Variants in COL22A1 observed in about 807,000 individuals in gnomAD.
COL22A1 encodes collagen alpha-1(XXII) chain.
In COL22A1, 221 loss-of-function variants were observed where a neutral mutation model predicts 248.9. That is an observed-to-expected ratio of 0.89 (90% CI 0.80 to 0.99). COL22A1 has a LOEUF of 0.99. Among genes scored for constraint, COL22A1 ranks in the 50% least tolerant of loss-of-function variants. The probability of loss-of-function intolerance (pLI) is 0.00; values close to 1 mark genes in which losing one functional copy is unlikely to be tolerated. For synonymous variants in COL22A1, 891 were observed against 793.4 expected (o/e 1.12, Z -2.07); for missense variants, 2,240 against 2,179.0 (o/e 1.03, Z -0.56).
intron 37 of COL22A1, 31 bp downstream of exon 37, chr8:138,688,886 C>G: frequency 6.3e-7 from 1 of 1,594,580 alleles, no homozygotes; most frequent in South Asian, 1.1e-5. Context: ...AGGATATTCA[C>G]TTGTGTGCTG....
intron 31 of COL22A1, 97 bp from the exon 32 acceptor site, chr8:138,700,241 T>C: frequency 8.8e-7 from 1 of 1,141,168 alleles, no homozygotes; most frequent in Non-Finnish European, 1.3e-6. Context: ...AGTGAAAGAA[T>C]ACAGCCCCAA....
chr8:138,776,617 C>A (rs1418543974), intron 15 of COL22A1, among the ~76,000 whole-genome samples: 6 of 151,884 alleles, frequency 4.0e-5, no homozygotes. Context: ...AAAACATGAT[C>A]CCCCTGCTTC....
intron 7 of COL22A1, among the ~76,000 whole-genome samples, chr8:138,818,025 C>G (rs1044941293): frequency 6.6e-6 from 1 of 152,130 alleles, no homozygotes; most frequent in African/African-American, 2.4e-5. Flanking sequence ...ATATAGTCTC[C>G]CACTACCTCA....
chr8:138,908,072 G>A (rs1302288768), intron 1 of COL22A1, among the ~76,000 whole-genome samples: 3 of 152,104 alleles, frequency 2.0e-5, no homozygotes, highest in African/African-American at 7.2e-5. Context: ...GCTCATTCAT[G>A]CCATAAACAA....
At position 138,743,032 on chromosome 8, in the gene COL22A1, G is replaced by A. The variant is rs575564747; in HGVS notation, c.2086-5455C>T. On this transcript the variant is annotated intron_variant, in intron 22 of 64. Coordinates refer to ENST00000303045, the MANE Select transcript of COL22A1 (RefSeq NM_152888.3). ...TAGTAGTGATTGTGATAGTAGAGTT[G>A]ATGAGGGTGATGGTGGTAGTGATTG... Among the ~76,000 whole-genome samples the A allele has an allele frequency of 2.4e-3, 360 of 151,608 alleles. 2 individuals carry two copies. Among genetic ancestry groups the A allele is most frequent in the African/African-American group, 8.2e-3 (340 of 41,296 alleles).
chr8:138,885,220 C>G (rs1345316530), intron 1 of COL22A1, among the ~76,000 whole-genome samples: 1 of 152,184 alleles, frequency 6.6e-6, no homozygotes, highest in East Asian at 1.9e-4. Flanking sequence ...GGCTGCTTCT[C>G]CATCCTGGAA....
chr8:138,760,471 C>T (rs990284617), intron 17 of COL22A1, among the ~76,000 whole-genome samples, 184 bp from the exon 18 acceptor site: 61 of 152,214 alleles, frequency 4.0e-4, no homozygotes, highest in African/African-American at 1.4e-3. Context: ...CTCAACTAAC[C>T]TAAGCTCCCT....
At chr8:138,891,066 T>C (rs143715988) in intron 1 of COL22A1, among the ~76,000 whole-genome samples, 44 of 151,706 alleles carry the variant, frequency 2.9e-4, no homozygotes, top group African/African-American at 1.0e-3. Flanking sequence ...CAATGAACAA[T>C]GCAAAAAGAA....
At chr8:138,629,593 G>A (rs1472596201) in intron 50 of COL22A1, among the ~76,000 whole-genome samples, 1 of 152,194 alleles carries the variant, frequency 6.6e-6, no homozygotes, top group African/African-American at 2.4e-5. Flanking sequence ...ACATCCGTCT[G>A]GCTGCCTGGA....
intron 7 of COL22A1, among the ~76,000 whole-genome samples, chr8:138,818,998 A>G (rs1307576590): frequency 6.6e-6 from 1 of 152,146 alleles, no homozygotes; most frequent in African/African-American, 2.4e-5. Context: ...TGTGAGCTGC[A>G]GTTTGCACGT....
intron 30 of COL22A1, among the ~76,000 whole-genome samples, chr8:138,713,435 T>C (rs777905847): frequency 3.2e-4 from 48 of 152,308 alleles, no homozygotes; most frequent in Non-Finnish European, 6.2e-4. Context: ...ACTCAAGAAA[T>C]TGCAACTTGC....
chr8:138,611,025 C>T (rs534456938), intron 56 of COL22A1, among the ~76,000 whole-genome samples: 1 of 152,262 alleles, frequency 6.6e-6, no homozygotes, highest in East Asian at 1.9e-4. Context: ...GTGATCATGC[C>T]ACTGAAGTCC....
intron 30 of COL22A1, among the ~76,000 whole-genome samples, chr8:138,707,720 T>C (rs1828591457): frequency 6.6e-6 from 1 of 152,216 alleles, no homozygotes; most frequent in African/African-American, 2.4e-5. Context: ...CTTTGAAAAC[T>C]GGCACAAGAT....
chr8:138,889,812 T>C (rs1290208362), intron 1 of COL22A1, among the ~76,000 whole-genome samples: 1 of 152,178 alleles, frequency 6.6e-6, no homozygotes, highest in Admixed American at 6.5e-5. Context: ...GTTCAGTATT[T>C]TCCCAGGCTC....
intron 46 of COL22A1, among the ~76,000 whole-genome samples, 163 bp downstream of exon 46, chr8:138,649,502 C>T (rs372150081): frequency 1.3e-5 from 2 of 152,266 alleles, no homozygotes; most frequent in East Asian, 3.9e-4. Context: ...CACTTCCTAC[C>T]ATTTCCATAG....
At chr8:138,673,900 C>T (rs28704583) in intron 41 of COL22A1, among the ~76,000 whole-genome samples, 28,815 of 152,032 alleles carry the variant, frequency 0.19, 3,262 homozygotes, top group African/African-American at 0.32. Context: ...TCCAACCAAA[C>T]ACAGGCAGGA....
At chr8:138,788,936 T>C (rs1407497824) in intron 12 of COL22A1, among the ~76,000 whole-genome samples, 2 of 152,332 alleles carry the variant, frequency 1.3e-5, no homozygotes, top group East Asian at 3.9e-4. Context: ...TGACCCACTG[T>C]TACACAGCTG....
chr8:138,828,439 C>T (rs924719610), intron 5 of COL22A1, among the ~76,000 whole-genome samples: 2 of 152,114 alleles, frequency 1.3e-5, no homozygotes, highest in Non-Finnish European at 2.9e-5. Context: ...TTGAGAACCA[C>T]TGATCTATCC....
intron 36 of COL22A1, 86 bp downstream of exon 36, chr8:138,690,735 T>C (rs776748077): frequency 2.8e-6 from 3 of 1,066,440 alleles, no homozygotes; most frequent in Middle Eastern, 4.1e-4. Flanking sequence ...CTTACTCCCA[T>C]GTATCCTACG....
Sources: gnomAD v4.1 joint callset for allele counts (sites outside exome capture counted in the v4.1 genomes callset) on GRCh38, gnomAD v4.1.1 for gene constraint, MANE v1.5 for transcripts, NCBI Gene and HGNC (gene_info 2026-07-23, HGNC 2026-07-21) for gene names.